Variants in KIF18B observed in about 807,000 individuals in gnomAD.
KIF18B encodes kinesin-like protein KIF18B.
A neutral mutation model predicts 80.9 loss-of-function variants in KIF18B; 49 were observed. The ratio of observed to expected loss-of-function variants is 0.61; its 90% CI spans 0.48 to 0.77. KIF18B has a LOEUF of 0.77. Ranked by LOEUF, KIF18B falls within the 30% of genes least tolerant of loss-of-function variation. The pLI, the probability that KIF18B is intolerant of heterozygous loss-of-function variation, is 0.00. For missense variants in KIF18B, 994 were observed against 1,127.7 expected (o/e 0.88, Z 1.70); for synonymous variants, 439 against 463.9 (o/e 0.95, Z 0.69).
At chr17:44,932,432 C>G (rs543450495) in intron 9 of KIF18B, 67 of 598,112 alleles carry the variant, frequency 1.1e-4, no homozygotes, top group Non-Finnish European at 5.3e-5. Flanking sequence ...ACACACACCC[C>G]TAAGTTCACC....
chr17:44,936,313 A>G lies in KIF18B; in HGVS notation c.32T>C (p.Val11Ala). The G allele has an allele frequency of 6.2e-7, 1 of 1,608,834 alleles. No individual in the cohort carries two copies. The highest frequency in any genetic ancestry group is 8.5e-7 in the Non-Finnish European group (1 of 1,178,568). The change falls in exon 2 of 16, where the codon GTG (valine) becomes GCG (alanine). Residue 11 changes from valine to alanine, a missense_variant. Val to Ala is a moderately conservative substitution (Grantham distance 64). Coordinates refer to ENST00000593135, the MANE Select transcript of KIF18B (RefSeq NM_001265577.2). MAVEDSTLQV[V>A]VRVRPPTPRE... ...AGGGGTGGGGGGCCGCACCCGTACC[A>G]CTACTTGCAGCGTGCTGTCCTCCAC...
At chr17:44,932,003 C>A in intron 10 of KIF18B, 53 bp downstream of exon 10, 1 of 1,545,338 alleles carries the variant, frequency 6.5e-7, no homozygotes, top group Admixed American at 2.0e-5. Flanking sequence ...TTTCCAATAT[C>A]CCACCAGCTC....
chr17:44,934,036 C>G lies in KIF18B; in HGVS notation c.949G>C (p.Gly317Arg), dbSNP rs1310686646. 1 of 1,612,302 alleles carries G rather than the reference C, an allele frequency of 6.2e-7. No homozygotes were observed. The highest frequency in any genetic ancestry group is 8.5e-7 in the Non-Finnish European group (1 of 1,179,358). Residue 317 changes from glycine to arginine, a missense_variant, in exon 7 of 16, where the codon GGG becomes CGG. By Grantham distance (125) the Gly-to-Arg change is moderately radical. Coordinates refer to ENST00000593135, the MANE Select transcript of KIF18B (RefSeq NM_001265577.2). This position sits in a 1 kb window ranked among gnomAD's most constrained non-coding sequence, Gnocchi z 5.4. The part of the protein sequence containing the change: ...KLTRLLKDSL[G>R]GNCRTVMIAA... ...ATCATCACTGTGCGGCAGTTGCCCC[C>G]GAGGGAGTCTTTGAGCAGGCGGGTC...
intron 9 of KIF18B, 80 bp downstream of exon 9, chr17:44,932,593 C>A (rs1327597154): frequency 1.2e-6 from 1 of 836,216 alleles, no homozygotes; most frequent in African/African-American, 1.7e-5. Flanking sequence ...TCCTAGTCCT[C>A]CAGAAACTGG....
chr17:44,935,316 C>A lies in KIF18B; in HGVS notation c.414G>T (p.Arg138Ser). The A allele has an allele frequency of 6.2e-7, 1 of 1,613,238 alleles. No homozygotes were observed. Among genetic ancestry groups the A allele is most frequent in the Non-Finnish European group, 8.5e-7 (1 of 1,179,494 alleles). The change falls in exon 3 of 16, where the codon AGG (arginine) becomes AGT (serine). Residue 138 changes from arginine to serine, a missense_variant. Physicochemically the swap from Arg to Ser is moderately radical, Grantham distance 110 (BLOSUM62 -1). Transcript: ENST00000593135. ...IMYLTTVELY[R>S]RLEARQQEKH... Reference sequence around the variant, plus strand: ...TCTCCTGCTGGCGGGCCTCCAGGCGCCTGTACAGTTCCACGGTGGTCAGGT... The same window carrying A: ...TCTCCTGCTGGCGGGCCTCCAGGCGACTGTACAGTTCCACGGTGGTCAGGT...
intron 1 of KIF18B, among the ~76,000 whole-genome samples, chr17:44,936,611 TATATATATATA>T (rs2052308459): frequency 1.1e-5 from 1 of 87,046 alleles, no homozygotes; most frequent in African/African-American, 4.2e-5. Flanking sequence ...TATATATATA[TATATATATATA>T]TATTTTTTTT....
chr17:44,934,893 G>A lies in KIF18B; in HGVS notation c.514C>T (p.Pro172Ser), dbSNP rs758193304. The part of the protein sequence containing the change: ...QIHDLLEPKG[P>S]LAIREDPDKG... ...TCGGGGTCCTCGCGGATGGCAAGGG[G>A]CCCCTTGGGCTCCAGGAGGTCATGG... is the stretch of plus-strand genomic sequence containing the variant. The change falls in exon 4 of 16, where the codon CCC becomes TCC. Residue 172 changes from proline to serine, a missense_variant. Physicochemically the swap from Pro to Ser is moderately conservative, Grantham distance 74. Coordinates refer to ENST00000593135, the MANE Select transcript of KIF18B (RefSeq NM_001265577.2). This position sits in a 1 kb window ranked among gnomAD's most constrained non-coding sequence, Gnocchi z 5.4. 6.4e-6 allele frequency: 10 copies of A among 1,551,860 alleles called. No homozygotes were observed. The highest frequency in any genetic ancestry group is 8.7e-6 in the Non-Finnish European group (10 of 1,146,762).
intron 11 of KIF18B, among the ~76,000 whole-genome samples, chr17:44,929,946 A>G (rs1048149406): frequency 1.3e-5 from 2 of 152,222 alleles, no homozygotes; most frequent in Admixed American, 6.5e-5. Context: ...AGGCACACCT[A>G]TGATAAAAGA....
At chr17:44,941,735 G>A (rs1347605194) in intron 1 of KIF18B, among the ~76,000 whole-genome samples, 1 of 152,176 alleles carries the variant, frequency 6.6e-6, no homozygotes, top group Non-Finnish European at 1.5e-5. Context: ...GAAGGCAGAG[G>A]GTGCCTGGGT....
At chr17:44,935,530 C>G (rs2145710714) in intron 2 of KIF18B, 114 bp from the exon 3 acceptor site, 1 of 1,078,404 alleles carries the variant, frequency 9.3e-7, no homozygotes. Context: ...TCCATTAATC[C>G]CACTAATCAC....
chr17:44,941,433 G>C lies in KIF18B; in HGVS notation c.-14-5075C>G, dbSNP rs529335490. ...GGCTCACTGCAACCTCGGCCTCCCA[G>C]GTTCAAGGAATTCTTCTGCCTCAGC... On this transcript the variant is annotated intron_variant, in intron 1 of 15. Transcript: ENST00000593135. Among the ~76,000 whole-genome samples, 8 of 151,290 alleles carry C rather than the reference G, an allele frequency of 5.3e-5. No individual in the cohort carries two copies. The East Asian group carries it at 1.2e-3, about 22-fold the overall frequency.
chr17:44,934,324 T>A lies in KIF18B; in HGVS notation c.794A>T (p.His265Leu). Residue 265 changes from histidine to leucine, a missense_variant, in exon 6 of 16, where the codon CAT becomes CTT. His to Leu is a moderately conservative substitution (Grantham distance 99). Transcript: ENST00000593135. The surrounding 1 kb of genome is among the most constrained non-coding windows in gnomAD (Gnocchi z 5.4). ...CTCCCGCAGCCGCTCCCCCTTCGCA[T>A]GGGTGCTGGATGCCCGCTCTGAGCC... is the stretch of plus-strand genomic sequence containing the variant. ...LAGSERASSTHAKGERLREGA... is the reference protein window; with the variant it reads ...LAGSERASSTLAKGERLREGA... 1 of 1,610,078 alleles carries A rather than the reference T, an allele frequency of 6.2e-7. No individual in the cohort carries two copies. Among genetic ancestry groups the A allele is most frequent in the East Asian group, 2.2e-5 (1 of 44,782 alleles).
chr17:44,933,701 C>T (rs1169722235), intron 7 of KIF18B, among the ~76,000 whole-genome samples: 3 of 152,112 alleles, frequency 2.0e-5, no homozygotes, highest in Non-Finnish European at 2.9e-5. Context: ...TCATGCTGCC[C>T]AGGCTGGTCT....
rs57955845 is a variant in KIF18B, at chr17:44,947,113, C to CAAAAAA, written c.-15+509_-15+514dup. Among the ~76,000 whole-genome samples, 120 of 53,990 alleles carry CAAAAAA rather than the reference C, an allele frequency of 2.2e-3. 3 individuals are homozygous for CAAAAAA. Among genetic ancestry groups the CAAAAAA allele is most frequent in the East Asian group, 8.8e-3 (17 of 1,926 alleles). The allele number at this position is 53,990 out of a possible 152,430, so 35.4% of individuals were successfully genotyped here. On this transcript the variant is annotated intron_variant, in intron 1 of 15. Transcript: ENST00000593135. ...GACAGAGAGAGAGAGACTCCATCTCCAAAAAAAAAAAAAAAAAAAAAAAAA... is the reference window on the plus strand; with the variant it reads ...GACAGAGAGAGAGAGACTCCATCTCCAAAAAAAAAAAAAAAAAAAAAAAAAAAAAAA...
intron 12 of KIF18B, 55 bp downstream of exon 12, chr17:44,928,764 G>A (rs1188652699): frequency 6.4e-7 from 1 of 1,563,058 alleles, no homozygotes; most frequent in African/African-American, 1.4e-5. Flanking sequence ...GGCCCCAGTG[G>A]GGCCTTGAAG....
Position 44,934,309 on chromosome 17 carries a change from C to T in KIF18B, c.809G>A (p.Arg270Gln), listed in dbSNP as rs747038370. ...RASSTHAKGE[R>Q]LREGANINRS... ...GTTGATGTTGGCCCCCTCCCGCAGC[C>T]GCTCCCCCTTCGCATGGGTGCTGGA... Residue 270 changes from arginine to glutamine, a missense_variant, in exon 6 of 16, where the codon CGG becomes CAG. Arg to Gln is a conservative substitution (Grantham distance 43, BLOSUM62 1). Transcript: ENST00000593135. The surrounding 1 kb of genome is among the most constrained non-coding windows in gnomAD (Gnocchi z 5.4). 36 of 1,611,556 alleles carry T rather than the reference C, an allele frequency of 2.2e-5. No homozygotes were observed. Among genetic ancestry groups the T allele is most frequent in the South Asian group, 8.8e-5 (8 of 90,512 alleles).
chr17:44,933,179 C>T (rs372178856), intron 7 of KIF18B, among the ~76,000 whole-genome samples, 193 bp from the exon 8 acceptor site: 5 of 152,226 alleles, frequency 3.3e-5, no homozygotes, highest in South Asian at 2.1e-4. Context: ...CCTGACTCCA[C>T]GACTAAGACC....
At chr17:44,926,859 C>T in intron 14 of KIF18B, 130 bp downstream of exon 14, 3 of 788,784 alleles carry the variant, frequency 3.8e-6, no homozygotes, top group Non-Finnish European at 6.3e-6. Context: ...GCCCTGCTCA[C>T]AGGACCTCAG....
rs1597894225 is a variant in KIF18B at position 44,939,795 on chromosome 17, T to C, written c.-14-3437A>G. Among the ~76,000 whole-genome samples the C allele has an allele frequency of 3.9e-5, 6 of 152,298 alleles. No individual in the cohort carries two copies. In the South Asian group the frequency reaches 1.2e-3, roughly 32 times the overall value. On this transcript the variant is annotated intron_variant, in intron 1 of 15. Transcript: ENST00000593135. ...TAGTTATTACATGATCTTTGCTATA[T>C]TATGAATAGGCTCCTTATTTTATTT...
Sources: allele counts gnomAD v4.1 joint callset (sites outside exome capture counted in the v4.1 genomes callset), GRCh38; gene constraint gnomAD v4.1.1; non-coding constraint Gnocchi (gnomAD v3.1); transcripts MANE v1.5; gene names NCBI Gene and HGNC (gene_info 2026-07-23, HGNC 2026-07-21).